The following CNTNAP5 variants were observed in gnomAD, a reference collection of about 807,000 sequenced individuals.
The protein encoded by CNTNAP5 is contactin-associated protein-like 5.
CNTNAP5 carries 72 observed loss-of-function variants against 150.2 expected under a neutral mutation model. The observed-to-expected ratio is 0.48, with a 90% CI of 0.40 to 0.58. CNTNAP5 has a LOEUF of 0.58. Ranked by LOEUF, CNTNAP5 falls within the 20% of genes least tolerant of loss-of-function variation. The pLI, the probability that CNTNAP5 is intolerant of heterozygous loss-of-function variation, is 0.00. For missense variants in CNTNAP5, 1,636 were observed against 1,626.2 expected, an observed-to-expected ratio of 1.01 and a Z score of -0.10; for synonymous variants, 672 against 619.8, an observed-to-expected ratio of 1.08 and a Z score of -1.25.
chr2:124,549,915 G>A (rs1031078536), intron 10 of CNTNAP5, among the ~76,000 whole-genome samples: 2 of 152,228 alleles, frequency 1.3e-5, no homozygotes, highest in Non-Finnish European at 2.9e-5. Flanking sequence ...GCATGGCTGG[G>A]TTTAAGGGGA....
chr2:124,895,015 T>C (rs1678273621), intron 21 of CNTNAP5, among the ~76,000 whole-genome samples: 1 of 151,608 alleles, frequency 6.6e-6, no homozygotes, highest in Non-Finnish European at 1.5e-5. Context: ...CTTTACATAA[T>C]GCATGTTATC....
intron 1 of CNTNAP5, among the ~76,000 whole-genome samples, chr2:124,080,253 G>T (rs1243827909): frequency 3.3e-5 from 5 of 152,190 alleles, no homozygotes; most frequent in South Asian, 2.1e-4. Flanking sequence ...AACAATGCAG[G>T]TCTTAGGAAA....
rs369377349 is a variant in CNTNAP5 at position 124,038,680 on chromosome 2, C to T, written c.82+12948C>T. 4.6e-3 allele frequency among the ~76,000 whole-genome samples: 704 copies of T among 152,256 alleles called. 4 individuals carry two copies. The highest frequency in any genetic ancestry group is 0.013 in the South Asian group (62 of 4,818). On this transcript the variant is annotated intron_variant, in intron 1 of 23. Transcript: ENST00000682447. ...TAATATGTAAAATAAATTACAAGAGCGGCTTTGAAGAAAATAGAATGAAGG... is the reference window on the plus strand; with the variant it reads ...TAATATGTAAAATAAATTACAAGAGTGGCTTTGAAGAAAATAGAATGAAGG...
chr2:124,473,073 A>G (rs2104831964), intron 6 of CNTNAP5, among the ~76,000 whole-genome samples: 1 of 152,214 alleles, frequency 6.6e-6, no homozygotes, highest in East Asian at 1.9e-4. Context: ...TAAGATGAGC[A>G]CAGCATTTAC....
At chr2:124,730,968 C>T (rs1324061238) in intron 13 of CNTNAP5, among the ~76,000 whole-genome samples, 1 of 152,056 alleles carries the variant, frequency 6.6e-6, no homozygotes, top group Non-Finnish European at 1.5e-5. Flanking sequence ...TCTTTCTAGT[C>T]TGTGTAATTG....
At chr2:124,382,068 A>G (rs1274006749) in intron 3 of CNTNAP5, among the ~76,000 whole-genome samples, 2 of 152,196 alleles carry the variant, frequency 1.3e-5, no homozygotes, top group Non-Finnish European at 2.9e-5. Context: ...GTATTAAGGC[A>G]TACTTGCATG....
chr2:124,311,837 C>T (rs1350272045), intron 3 of CNTNAP5, among the ~76,000 whole-genome samples: 1 of 152,122 alleles, frequency 6.6e-6, no homozygotes, highest in Non-Finnish European at 1.5e-5. Context: ...TGATCTCTGC[C>T]CTTCTGGAAT....
intron 3 of CNTNAP5, among the ~76,000 whole-genome samples, chr2:124,391,771 C>T (rs936982681): frequency 6.6e-6 from 1 of 151,822 alleles, no homozygotes; most frequent in East Asian, 1.9e-4. Flanking sequence ...CTGGCTAACA[C>T]GGTGAGACCC....
At position 124,548,195 on chromosome 2, in the gene CNTNAP5, G is replaced by A. The variant is rs557551284; in HGVS notation, c.1650-15022G>A. Among the ~76,000 whole-genome samples, 11 of 152,300 alleles carry A rather than the reference G, an allele frequency of 7.2e-5. No individual in the cohort carries two copies. The East Asian group carries it at 9.6e-4, about 13-fold the overall frequency. On this transcript the variant is annotated intron_variant, in intron 10 of 23. Coordinates refer to ENST00000682447, the MANE Select transcript of CNTNAP5 (RefSeq NM_001367498.1). ...TCCATAATCTCCATGTGTAAGGGTC[G>A]TGACATTTTAGCTCAAATTGGATGC...
intron 3 of CNTNAP5, among the ~76,000 whole-genome samples, chr2:124,249,086 T>C (rs957990505): frequency 1.3e-5 from 2 of 152,182 alleles, no homozygotes; most frequent in Non-Finnish European, 2.9e-5. Flanking sequence ...ATTTTTTATC[T>C]TGCCCAAATT....
At chr2:124,369,806 T>C (rs1039908325) in intron 3 of CNTNAP5, among the ~76,000 whole-genome samples, 1 of 152,130 alleles carries the variant, frequency 6.6e-6, no homozygotes, top group Non-Finnish European at 1.5e-5. Context: ...ATATCTATTG[T>C]GCACATCAAA....
chr2:124,740,517 A>T (rs1056653833), intron 13 of CNTNAP5, among the ~76,000 whole-genome samples: 3 of 152,152 alleles, frequency 2.0e-5, no homozygotes. Context: ...GATTGGGTTT[A>T]TATAAATCAC....
chr2:124,429,951 T>G (rs1262460601), intron 4 of CNTNAP5, among the ~76,000 whole-genome samples: 2 of 152,180 alleles, frequency 1.3e-5, no homozygotes, highest in Non-Finnish European at 1.5e-5. Context: ...CCGAGTCCAT[T>G]GCGAGGCTCT....
intron 1 of CNTNAP5, among the ~76,000 whole-genome samples, chr2:124,026,160 T>A (rs892575718): frequency 2.6e-5 from 4 of 152,152 alleles, no homozygotes; most frequent in Non-Finnish European, 5.9e-5. Flanking sequence ...TGCCTCGGAT[T>A]TGCAGTATAC....
At chr2:124,120,173 G>A (rs1245567188) in intron 1 of CNTNAP5, among the ~76,000 whole-genome samples, 1 of 152,170 alleles carries the variant, frequency 6.6e-6, no homozygotes, top group Admixed American at 6.5e-5. Flanking sequence ...AGGGCTGGAA[G>A]TTATGTCTTG....
intron 16 of CNTNAP5, among the ~76,000 whole-genome samples, chr2:124,771,253 T>C (rs1427151351): frequency 6.6e-6 from 1 of 152,102 alleles, no homozygotes; most frequent in East Asian, 1.9e-4. Context: ...AGGGAGCAAT[T>C]GTGAAGGTGC....
intron 3 of CNTNAP5, among the ~76,000 whole-genome samples, chr2:124,250,721 A>T (rs981805932): frequency 7.9e-5 from 12 of 151,958 alleles, no homozygotes; most frequent in Non-Finnish European, 1.6e-4. Flanking sequence ...TCGAGGCCCC[A>T]GGTGTCTACC....
At chr2:124,278,910 T>C (rs1241186909) in intron 3 of CNTNAP5, among the ~76,000 whole-genome samples, 1 of 152,200 alleles carries the variant, frequency 6.6e-6, no homozygotes, top group East Asian at 1.9e-4. Context: ...AGTATTGATC[T>C]TGTTTATACA....
intron 16 of CNTNAP5, among the ~76,000 whole-genome samples, chr2:124,770,735 T>A (rs1370226586): frequency 2.0e-5 from 3 of 152,212 alleles, no homozygotes; most frequent in Non-Finnish European, 2.9e-5. Flanking sequence ...AGGCATGAAT[T>A]TGTCACCTGA....
Sources: allele counts gnomAD v4.1 joint callset (sites outside exome capture counted in the v4.1 genomes callset), GRCh38; gene constraint gnomAD v4.1.1; transcripts MANE v1.5; gene names NCBI Gene and HGNC (gene_info 2026-07-23, HGNC 2026-07-21).